The following DHRSX variants were observed in gnomAD, a reference collection of about 807,000 sequenced individuals.
DHRSX encodes the protein dehydrogenase/reductase X-linked.
Under a neutral mutation model 34.0 loss-of-function variants are expected in DHRSX, and 31 were observed. The ratio of observed to expected loss-of-function variants is 0.91; its 90% CI spans 0.69 to 1.23. The LOEUF is 1.23. Among genes scored for constraint, DHRSX ranks in the 50% most tolerant of loss-of-function variants. DHRSX has a pLI of 0.00. For synonymous variants in DHRSX, 201 were observed against 183.8 expected (o/e 1.09, Z -0.76); for missense variants, 414 against 428.1 (o/e 0.97, Z 0.29).
intron 1 of DHRSX, among the ~76,000 whole-genome samples, chrX:2,485,989 A>T (rs2044917077): frequency 6.6e-6 from 1 of 151,210 alleles, no homozygotes; most frequent in Non-Finnish European, 1.5e-5. Context: ...GGAGGAGGGA[A>T]GGAAGAGACC....
At chrX:2,426,734 A>T (rs1431985864) in intron 1 of DHRSX, among the ~76,000 whole-genome samples, 8 of 90,654 alleles carry the variant, frequency 8.8e-5, no homozygotes, top group South Asian at 6.6e-4. Context: ...TCTTTCTCTC[A>T]CTTTTTCCTT....
rs1556504765 is a variant in DHRSX at position 2,396,380 on chromosome X, T to TTC, written c.286+12364_286+12365insGA. Among the ~76,000 whole-genome samples the TTC allele has an allele frequency of 5.0e-5, 7 of 139,432 alleles. No individual in the cohort carries two copies. The South Asian group carries it at 9.6e-4, about 19-fold the overall frequency. 91.5% of individuals were successfully genotyped at this position (139,432 alleles called of 152,430 possible). ...TTGATGCTTTCTTTCTTTTTCTTTT[T>TTC]TTTTTTTTTTTTTTTGAGACAGAAT... On this transcript the variant is annotated intron_variant, in intron 3 of 6. Coordinates refer to ENST00000334651, the MANE Select transcript of DHRSX (RefSeq NM_145177.3).
chrX:2,405,465 G>C (rs1379718006), intron 3 of DHRSX, among the ~76,000 whole-genome samples: 4 of 151,862 alleles, frequency 2.6e-5, no homozygotes, highest in Non-Finnish European at 5.9e-5. Flanking sequence ...TCCAGCCTGG[G>C]TGATAGAGTG....
intron 3 of DHRSX, among the ~76,000 whole-genome samples, chrX:2,369,527 C>T (rs1335399375): frequency 5.9e-5 from 9 of 151,842 alleles, no homozygotes; most frequent in Non-Finnish European, 1.0e-4. Context: ...GACAGAGTCT[C>T]GCCCTGTCAC....
chrX:2,298,271 C>T (rs1387941064), intron 3 of DHRSX, among the ~76,000 whole-genome samples: 1 of 149,828 alleles, frequency 6.7e-6, no homozygotes, highest in African/African-American at 2.5e-5. Flanking sequence ...GTCCTCCAGA[C>T]CTGGGAGAGG....
intron 1 of DHRSX, chrX:2,489,734 A>G (rs769783686): frequency 1.2e-6 from 2 of 1,613,198 alleles, no homozygotes; most frequent in East Asian, 2.2e-5. Flanking sequence ...GAGCATGTAC[A>G]TGGCCACGGC....
At chrX:2,303,899 A>ATGG (rs1569485766) in intron 3 of DHRSX, among the ~76,000 whole-genome samples, 1 of 60,380 alleles carries the variant, frequency 1.7e-5, no homozygotes, top group African/African-American at 6.3e-5. Context: ...ATGGATGGAT[A>ATGG]AATGGATGGA....
chrX:2,422,204 A>G (rs781069492), intron 2 of DHRSX, among the ~76,000 whole-genome samples: 1 of 152,342 alleles, frequency 6.6e-6, no homozygotes, highest in East Asian at 1.9e-4. Context: ...AATGACAACA[A>G]GGGAAAGAAG....
chrX:2,411,837 A>C (rs1192295386), intron 2 of DHRSX, among the ~76,000 whole-genome samples: 8 of 152,202 alleles, frequency 5.3e-5, no homozygotes, highest in Non-Finnish European at 1.0e-4. Context: ...AAAAGTGACC[A>C]GAAAAAGCTG....
At chrX:2,321,548 C>A (rs1428754327) in intron 3 of DHRSX, among the ~76,000 whole-genome samples, 1 of 151,956 alleles carries the variant, frequency 6.6e-6, no homozygotes, top group East Asian at 1.9e-4. Flanking sequence ...TAAGAAGAGA[C>A]ACCAGGGCAC....
At chrX:2,337,153 C>A (rs1161364159) in intron 3 of DHRSX, among the ~76,000 whole-genome samples, 5 of 152,034 alleles carry the variant, frequency 3.3e-5, no homozygotes, top group African/African-American at 1.2e-4. Flanking sequence ...AGCTATTTCC[C>A]GTAATGACAT....
intron 3 of DHRSX, among the ~76,000 whole-genome samples, chrX:2,361,427 A>G (rs2042933310): frequency 6.6e-6 from 1 of 152,132 alleles, no homozygotes; most frequent in South Asian, 2.1e-4. Flanking sequence ...TTAAAATGTT[A>G]TCAGTAATGC....
chrX:2,342,685 C>T (rs1316650736), intron 3 of DHRSX, among the ~76,000 whole-genome samples: 2 of 152,156 alleles, frequency 1.3e-5, no homozygotes, highest in South Asian at 2.1e-4. Context: ...GACTCTCTTC[C>T]ATTTATTCAC....
intron 1 of DHRSX, among the ~76,000 whole-genome samples, chrX:2,443,883 G>A (rs1187598687): frequency 6.6e-6 from 1 of 152,098 alleles, no homozygotes; most frequent in Non-Finnish European, 1.5e-5. Flanking sequence ...GCGGAAGCCT[G>A]TAGTCCCAGC....
At position 2,472,131 on chromosome X, in the gene DHRSX, A is replaced by G. The variant is rs758697976; in HGVS notation, c.109+28686T>C. Among the ~76,000 whole-genome samples, 405 of 148,230 alleles carry G rather than the reference A, an allele frequency of 2.7e-3. 20 individuals carry two copies. Among genetic ancestry groups the G allele is most frequent in the African/African-American group, 1.0e-2 (388 of 38,872 alleles). ...TTGCACTCCAGCCTGGGCAACAAAA[A>G]GGAAACTGTCTCAAAAAAAAAAAAA... On this transcript the variant is annotated intron_variant, in intron 1 of 6. Coordinates refer to ENST00000334651, the MANE Select transcript of DHRSX (RefSeq NM_145177.3).
intron 1 of DHRSX, among the ~76,000 whole-genome samples, chrX:2,484,868 T>C (rs1315622430): frequency 6.6e-6 from 1 of 151,150 alleles, no homozygotes; most frequent in Non-Finnish European, 1.5e-5. Context: ...TCCTCTGCAC[T>C]CACGAGCAAA....
chrX:2,458,313 T>C (rs777303137), intron 1 of DHRSX, among the ~76,000 whole-genome samples: 1 of 152,226 alleles, frequency 6.6e-6, no homozygotes, highest in African/African-American at 2.4e-5. Context: ...TTGTGCAGGA[T>C]CCAGTCATCC....
chrX:2,325,352 A>G (rs1420393769), intron 3 of DHRSX, among the ~76,000 whole-genome samples: 2 of 152,032 alleles, frequency 1.3e-5, no homozygotes. Context: ...TAGGGACTAG[A>G]CACGTTCAAG....
At chrX:2,498,447 T>A (rs1251187703) in intron 1 of DHRSX, among the ~76,000 whole-genome samples, 1 of 152,124 alleles carries the variant, frequency 6.6e-6, no homozygotes, top group Non-Finnish European at 1.5e-5. Context: ...TATCGAAAAT[T>A]ATTTTTAATC....
Sources: allele counts gnomAD v4.1 joint callset (sites outside exome capture counted in the v4.1 genomes callset), GRCh38; gene constraint gnomAD v4.1.1; transcripts MANE v1.5; gene names NCBI Gene and HGNC (gene_info 2026-07-23, HGNC 2026-07-21).